The following GRIA4 variants were observed in gnomAD, a reference collection of about 807,000 sequenced individuals.
GRIA4 encodes glutamate receptor 4.
In GRIA4, 34 loss-of-function variants were observed where a neutral mutation model predicts 104.0. The observed-to-expected ratio is 0.33, with a 90% CI of 0.25 to 0.44. The LOEUF (loss-of-function observed/expected upper bound fraction) is 0.44. Ranked by LOEUF, GRIA4 falls within the 20% of genes least tolerant of loss-of-function variation. GRIA4 has a pLI of 1.00. For synonymous variants in GRIA4, 386 were observed against 381.9 expected (o/e 1.01, Z -0.13); for missense variants, 750 against 1,096.5 (o/e 0.68, Z 4.46).
At chr11:105,957,345 C>T (rs1351706263) in intron 14 of GRIA4, among the ~76,000 whole-genome samples, 1 of 152,146 alleles carries the variant, frequency 6.6e-6, no homozygotes, top group Non-Finnish European at 1.5e-5. Flanking sequence ...CCAGTTTTCC[C>T]AGGACCATTT....
At chr11:105,640,842 G>T (rs901800315) in intron 3 of GRIA4, among the ~76,000 whole-genome samples, 2 of 151,750 alleles carry the variant, frequency 1.3e-5, no homozygotes, top group African/African-American at 4.8e-5. Context: ...TTTTCATTTT[G>T]TTTGGCTCTC....
At chr11:105,662,512 G>C (rs746415489) in intron 3 of GRIA4, among the ~76,000 whole-genome samples, 7 of 151,788 alleles carry the variant, frequency 4.6e-5, no homozygotes, top group Non-Finnish European at 8.8e-5. Context: ...GACCAAAGTG[G>C]AGAGTTCAAG....
chr11:105,668,407 AT>A (rs1952245611), intron 3 of GRIA4, among the ~76,000 whole-genome samples: 2 of 150,492 alleles, frequency 1.3e-5, no homozygotes, highest in South Asian at 4.2e-4. Context: ...ATTGATGGAC[AT>A]TTGGATTGTT....
Position 105,710,749 on chromosome 11 carries a change from G to A in GRIA4, c.248-42232G>A, listed in dbSNP as rs1044171421. Among the ~76,000 whole-genome samples, 3 of 152,204 alleles carry A rather than the reference G, an allele frequency of 2.0e-5. No homozygotes were observed. In the East Asian group the frequency reaches 5.8e-4, roughly 29 times the overall value. On this transcript the variant is annotated intron_variant, in intron 3 of 16. Coordinates refer to ENST00000282499, the MANE Select transcript of GRIA4 (RefSeq NM_000829.4). ...AGCCTCATTTCCCTAGAGTGTAAAA[G>A]GGAGTCAAAGACTTGACTAATAAAA...
intron 4 of GRIA4, among the ~76,000 whole-genome samples, chr11:105,797,043 G>A (rs372195010): frequency 3.0e-4 from 46 of 151,724 alleles, no homozygotes; most frequent in Non-Finnish European, 5.6e-4. Flanking sequence ...GTGAACCCCC[G>A]TCAATACAAA....
intron 3 of GRIA4, among the ~76,000 whole-genome samples, chr11:105,704,165 C>A (rs1238005641): frequency 1.3e-5 from 2 of 151,974 alleles, no homozygotes; most frequent in Non-Finnish European, 2.9e-5. Context: ...TTCTCCCATG[C>A]TGCTTGTATT....
intron 4 of GRIA4, among the ~76,000 whole-genome samples, chr11:105,790,407 T>C (rs1036271949): frequency 1.3e-5 from 2 of 152,184 alleles, no homozygotes; most frequent in African/African-American, 4.8e-5. Context: ...TAGGGGTACA[T>C]GTGTTGCCCA....
At chr11:105,617,108 A>AATATAT (rs35445943) in intron 3 of GRIA4, among the ~76,000 whole-genome samples, 1 of 148,768 alleles carries the variant, frequency 6.7e-6, no homozygotes, top group Non-Finnish European at 1.5e-5. Context: ...GGCATTGGGA[A>AATATAT]ATATATATAT....
chr11:105,660,839 G>A (rs1407162229), intron 3 of GRIA4, among the ~76,000 whole-genome samples: 1 of 151,524 alleles, frequency 6.6e-6, no homozygotes, highest in Non-Finnish European at 1.5e-5. Flanking sequence ...GATACTATTT[G>A]TTACTGAAGT....
intron 16 of GRIA4, among the ~76,000 whole-genome samples, chr11:105,977,113 T>C (rs1283029690): frequency 6.6e-6 from 1 of 152,008 alleles, no homozygotes; most frequent in African/African-American, 2.4e-5. Context: ...TTTTTAAAAA[T>C]TACCAGGCTT....
chr11:105,786,263 G>A (rs992457992), intron 4 of GRIA4, among the ~76,000 whole-genome samples: 7 of 151,580 alleles, frequency 4.6e-5, no homozygotes, highest in African/African-American at 1.7e-4. Context: ...TCACATTACC[G>A]AGTTGAATCT....
chr11:105,695,874 A>G (rs780402454), intron 3 of GRIA4, among the ~76,000 whole-genome samples: 2 of 152,166 alleles, frequency 1.3e-5, no homozygotes, highest in Non-Finnish European at 2.9e-5. Context: ...ATCTAAACAC[A>G]TAAAATATTG....
intron 4 of GRIA4, among the ~76,000 whole-genome samples, chr11:105,836,242 A>G (rs1944180757): frequency 6.6e-6 from 1 of 152,076 alleles, no homozygotes; most frequent in Non-Finnish European, 1.5e-5. Context: ...ACAAGAAAGT[A>G]CTGGGTGCTG....
intron 3 of GRIA4, among the ~76,000 whole-genome samples, chr11:105,752,586 C>T (rs957248030): frequency 2.0e-5 from 3 of 152,084 alleles, no homozygotes; most frequent in Middle Eastern, 3.4e-3. Flanking sequence ...AAATTTCAAG[C>T]GTATATAATT....
chr11:105,805,962 A>G (rs1243824458), intron 4 of GRIA4, among the ~76,000 whole-genome samples: 1 of 151,898 alleles, frequency 6.6e-6, no homozygotes, highest in Non-Finnish European at 1.5e-5. Context: ...GAGAGGCCTT[A>G]AAACAACAAA....
intron 3 of GRIA4, among the ~76,000 whole-genome samples, chr11:105,752,223 G>A (rs11226839): frequency 0.13 from 20,029 of 152,116 alleles, 1,439 homozygotes; most frequent in Admixed American, 0.22. Context: ...AGATGAGGCC[G>A]TGTACCTGTT....
At chr11:105,865,324 G>A (rs1343832191) in intron 5 of GRIA4, among the ~76,000 whole-genome samples, 2 of 152,156 alleles carry the variant, frequency 1.3e-5, no homozygotes, top group Admixed American at 6.5e-5. Flanking sequence ...AAACAAATTG[G>A]AATTTTGGCT....
intron 4 of GRIA4, among the ~76,000 whole-genome samples, chr11:105,849,176 A>T (rs943067215): frequency 1.9e-4 from 29 of 152,140 alleles, no homozygotes; most frequent in Non-Finnish European, 2.9e-4. Flanking sequence ...TAGGAGACAG[A>T]GTGCTAGACT....
intron 6 of GRIA4, among the ~76,000 whole-genome samples, chr11:105,893,428 T>TA (rs1946525906): frequency 6.6e-6 from 1 of 152,132 alleles, no homozygotes; most frequent in Non-Finnish European, 1.5e-5. Context: ...AAAGAAAATA[T>TA]ATGTAAGAAA....
Sources: allele counts gnomAD v4.1 joint callset (sites outside exome capture counted in the v4.1 genomes callset), GRCh38; gene constraint gnomAD v4.1.1; transcripts MANE v1.5; gene names NCBI Gene and HGNC (gene_info 2026-07-23, HGNC 2026-07-21).